Variants in PPP1R9A observed in about 807,000 individuals in gnomAD.
PPP1R9A encodes neurabin-1.
A neutral mutation model predicts 141.9 loss-of-function variants in PPP1R9A; 59 were observed. The ratio of observed to expected loss-of-function variants is 0.42; its 90% CI spans 0.34 to 0.52. The LOEUF (loss-of-function observed/expected upper bound fraction) is 0.52. PPP1R9A is among the 20% of genes least tolerant of loss of function. The probability of loss-of-function intolerance (pLI) is 0.10; values close to 1 mark genes in which losing one functional copy is unlikely to be tolerated. For synonymous variants in PPP1R9A, 500 were observed against 569.7 expected (o/e 0.88, Z 1.74); for missense variants, 1,444 against 1,611.9 (o/e 0.90, Z 1.78).
intron 8 of PPP1R9A, among the ~76,000 whole-genome samples, chr7:95,232,103 T>G (rs1405985612): frequency 6.6e-6 from 1 of 152,128 alleles, no homozygotes; most frequent in African/African-American, 2.4e-5. Context: ...TCAAGGCTAC[T>G]ATGAAAACCT....
chr7:95,066,229 C>T (rs1398265992), intron 2 of PPP1R9A, among the ~76,000 whole-genome samples: 1 of 152,186 alleles, frequency 6.6e-6, no homozygotes, highest in Non-Finnish European at 1.5e-5. Context: ...CAAAAGGTGA[C>T]TAGACCGCAA....
At chr7:95,084,571 G>A (rs73427087) in intron 2 of PPP1R9A, among the ~76,000 whole-genome samples, 4,171 of 151,866 alleles carry the variant, frequency 0.027, 242 homozygotes, top group African/African-American at 0.094. Flanking sequence ...ATATAAAATC[G>A]TTTTGTAGCC....
intron 12 of PPP1R9A, among the ~76,000 whole-genome samples, chr7:95,266,932 A>AT (rs929056887): frequency 2.0e-5 from 3 of 152,110 alleles, no homozygotes; most frequent in African/African-American, 2.4e-5. Flanking sequence ...TCAAGGAATT[A>AT]TTTTTTCTCC....
chr7:95,049,313 TA>T (rs1810466511), intron 2 of PPP1R9A, among the ~76,000 whole-genome samples: 1 of 152,166 alleles, frequency 6.6e-6, no homozygotes, highest in South Asian at 2.1e-4. Flanking sequence ...CTCCAGGGGA[TA>T]AACCACTAAT....
chr7:95,155,690 A>G (rs1829500330), intron 4 of PPP1R9A: 1 of 152,328 alleles, frequency 6.6e-6, no homozygotes, highest in South Asian at 2.1e-4. Context: ...AAGAAAATAT[A>G]TCAAATATTT....
intron 5 of PPP1R9A, among the ~76,000 whole-genome samples, chr7:95,190,458 C>T (rs1162075640): frequency 1.3e-5 from 2 of 152,142 alleles, no homozygotes; most frequent in Non-Finnish European, 2.9e-5. Flanking sequence ...TGTGAGAGTC[C>T]TTGGTTTTAG....
At chr7:95,152,759 G>A (rs1334930366) in intron 4 of PPP1R9A, among the ~76,000 whole-genome samples, 1 of 151,582 alleles carries the variant, frequency 6.6e-6, no homozygotes, top group African/African-American at 2.4e-5. Context: ...CTTCTCTGGT[G>A]GATAGGAACT....
intron 2 of PPP1R9A, among the ~76,000 whole-genome samples, chr7:94,973,232 G>T (rs1799057522): frequency 6.6e-6 from 1 of 152,070 alleles, no homozygotes; most frequent in Non-Finnish European, 1.5e-5. Context: ...TTATATTTTG[G>T]TTATTGTTTA....
chr7:94,936,866 G>T (rs938854004), intron 2 of PPP1R9A, among the ~76,000 whole-genome samples: 17 of 151,968 alleles, frequency 1.1e-4, no homozygotes, highest in African/African-American at 4.1e-4. Context: ...AATTTCTCTA[G>T]TTGTTAAAAG....
chr7:94,949,588 G>C (rs532202190), intron 2 of PPP1R9A, among the ~76,000 whole-genome samples: 1 of 152,176 alleles, frequency 6.6e-6, no homozygotes, highest in Admixed American at 6.6e-5. Context: ...CCTCTATTGG[G>C]CTAGTTAGCA....
intron 12 of PPP1R9A, among the ~76,000 whole-genome samples, chr7:95,256,335 C>T (rs568322805): frequency 5.9e-5 from 9 of 152,066 alleles, no homozygotes; most frequent in Non-Finnish European, 1.2e-4. Context: ...AAAACCTACT[C>T]ATATAAAATC....
intron 14 of PPP1R9A, among the ~76,000 whole-genome samples, chr7:95,270,171 T>G (rs191272667): frequency 5.9e-5 from 9 of 152,220 alleles, no homozygotes; most frequent in Admixed American, 3.9e-4. Flanking sequence ...CCTAAAATAT[T>G]TTACTCTGTG....
rs183844660 is a variant in PPP1R9A at position 95,273,341 on chromosome 7, C to G, written c.3125-558C>G. On this transcript the variant is annotated intron_variant, in intron 14 of 19. Transcript: ENST00000433360. ...TAAGGAGTCTCCCCCATGTCCTCCC[C>G]TCCTCTGTTCCAGGACCGGCCACAG... 4.9e-4 allele frequency among the ~76,000 whole-genome samples: 75 copies of G among 152,346 alleles called. No homozygotes were observed. The East Asian group carries it at 0.011, about 22-fold the overall frequency.
Position 95,084,567 on chromosome 7 carries a change from A to G in PPP1R9A, c.1396-26692A>G, listed in dbSNP as rs372442689. Among the ~76,000 whole-genome samples the G allele has an allele frequency of 2.0e-5, 3 of 152,070 alleles. No homozygotes were observed. The East Asian group carries it at 5.8e-4, about 29-fold the overall frequency. On this transcript the variant is annotated intron_variant, in intron 2 of 19. Coordinates refer to ENST00000433360, the MANE Select transcript of PPP1R9A (RefSeq NM_001166160.2). ...CCACAGTGTTCACTCCCTAATATAA[A>G]ATCGTTTTGTAGCCCTTCCCAGAAG... is the stretch of plus-strand genomic sequence containing the variant.
chr7:94,954,019 G>A (rs1410073791), intron 2 of PPP1R9A, among the ~76,000 whole-genome samples: 4 of 152,020 alleles, frequency 2.6e-5, no homozygotes, highest in African/African-American at 4.8e-5. Context: ...GGTGAGAGAG[G>A]GCATCCTTGT....
chr7:95,179,524 G>A (rs749402042), intron 5 of PPP1R9A, among the ~76,000 whole-genome samples: 3 of 151,736 alleles, frequency 2.0e-5, no homozygotes, highest in Non-Finnish European at 2.9e-5. Flanking sequence ...TCCTAGCCAG[G>A]GCAATCAGAG....
intron 4 of PPP1R9A, among the ~76,000 whole-genome samples, chr7:95,135,854 CTTTTTT>C (rs58872136): frequency 4.1e-4 from 30 of 73,056 alleles, no homozygotes; most frequent in African/African-American, 1.2e-3. Flanking sequence ...TTCAGCTTTA[CTTTTTT>C]TTTTTTTTTT....
intron 2 of PPP1R9A, among the ~76,000 whole-genome samples, chr7:94,912,396 C>G (rs1791561614): frequency 6.6e-6 from 1 of 152,116 alleles, no homozygotes; most frequent in Admixed American, 6.5e-5. Flanking sequence ...AGTGTACTTG[C>G]CCACAGCTCA....
intron 2 of PPP1R9A, among the ~76,000 whole-genome samples, chr7:94,919,301 ATTT>A (rs757456894): frequency 5.5e-4 from 58 of 106,158 alleles, no homozygotes; most frequent in African/African-American, 1.6e-3. Flanking sequence ...GGATAATTAC[ATTT>A]TTTTTTTTTT....
Sources: gnomAD v4.1 joint callset for allele counts (sites outside exome capture counted in the v4.1 genomes callset) on GRCh38, gnomAD v4.1.1 for gene constraint, MANE v1.5 for transcripts, NCBI Gene and HGNC (gene_info 2026-07-23, HGNC 2026-07-21) for gene names.